MACROD2: variants seen among roughly 807,000 people sequenced by gnomAD.
MACROD2 encodes the protein mono-ADP ribosylhydrolase 2.
In MACROD2, 36 loss-of-function variants were observed where a neutral mutation model predicts 70.4. The observed-to-expected ratio is 0.51, with a 90% CI of 0.39 to 0.68. The LOEUF is 0.68. Among genes scored for constraint, MACROD2 ranks in the 30% least tolerant of loss-of-function variants. MACROD2 has a pLI of 0.00. For missense variants in MACROD2, 496 were observed against 538.4 expected (o/e 0.92, Z 0.78); for synonymous variants, 172 against 178.8 (o/e 0.96, Z 0.30).
chr20:15,377,732 A>G (rs1006878862), intron 6 of MACROD2, among the ~76,000 whole-genome samples: 1 of 152,242 alleles, frequency 6.6e-6, no homozygotes, highest in African/African-American at 2.4e-5. Context: ...TGATTCATAT[A>G]CATGGGAACG....
chr20:15,355,479 G>T (rs1382082510), intron 6 of MACROD2, among the ~76,000 whole-genome samples: 1 of 152,142 alleles, frequency 6.6e-6, no homozygotes, highest in Non-Finnish European at 1.5e-5. Context: ...GCACATCAAT[G>T]CATACACCAC....
chr20:15,076,215 C>T (rs11906507), intron 5 of MACROD2, among the ~76,000 whole-genome samples: 4,610 of 152,110 alleles, frequency 0.03, 260 homozygotes, highest in African/African-American at 0.11. Context: ...AATGTATTTA[C>T]AAATTTTGTT....
intron 3 of MACROD2, among the ~76,000 whole-genome samples, chr20:14,100,011 G>A (rs2054277131): frequency 6.6e-6 from 1 of 151,944 alleles, no homozygotes; most frequent in African/African-American, 2.4e-5. Flanking sequence ...ATAAGAAGAT[G>A]GGGTTGTTTT....
chr20:15,234,009 A>ATTTT (rs1342277075), intron 6 of MACROD2, among the ~76,000 whole-genome samples: 8 of 39,986 alleles, frequency 2.0e-4, no homozygotes, highest in Non-Finnish European at 2.8e-4. Context: ...ATATATATAT[A>ATTTT]TTCTTTTTTT....
At chr20:15,542,971 G>T (rs911830292) in intron 8 of MACROD2, among the ~76,000 whole-genome samples, 58 of 152,200 alleles carry the variant, frequency 3.8e-4, no homozygotes, top group African/African-American at 1.3e-3. Context: ...GGGAAATGAA[G>T]AGGTCCTTTA....
intron 3 of MACROD2, among the ~76,000 whole-genome samples, chr20:14,365,495 T>C (rs1350738434): frequency 2.6e-5 from 4 of 151,670 alleles, no homozygotes; most frequent in African/African-American, 9.7e-5. Flanking sequence ...TTATTGTATA[T>C]TTTTTACCCT....
intron 3 of MACROD2, among the ~76,000 whole-genome samples, chr20:14,155,694 G>GT (rs2055092791): frequency 6.6e-6 from 1 of 151,368 alleles, no homozygotes; most frequent in South Asian, 2.1e-4. Context: ...TGTTTTATTA[G>GT]TTTTTTTTCT....
intron 4 of MACROD2, among the ~76,000 whole-genome samples, 167 bp from the exon 5 acceptor site, chr20:14,684,676 A>T (rs1034500565): frequency 7.9e-6 from 1 of 126,306 alleles, no homozygotes; most frequent in Non-Finnish European, 1.7e-5. Context: ...CCGCCAACAC[A>T]CACACAAACA....
At chr20:14,009,884 T>C (rs1225142017) in intron 2 of MACROD2, among the ~76,000 whole-genome samples, 2 of 152,138 alleles carry the variant, frequency 1.3e-5, no homozygotes, top group African/African-American at 4.8e-5. Context: ...GAAAACCAAA[T>C]ACCACATGTT....
chr20:14,271,352 G>A (rs907242965), intron 3 of MACROD2, among the ~76,000 whole-genome samples: 12 of 152,184 alleles, frequency 7.9e-5, no homozygotes, highest in Non-Finnish European at 1.0e-4. Context: ...CTGCTGTTCT[G>A]CAGCCACCGC....
chr20:14,255,551 G>A (rs2082048352), intron 3 of MACROD2, among the ~76,000 whole-genome samples: 2 of 151,820 alleles, frequency 1.3e-5, no homozygotes, highest in African/African-American at 4.8e-5. Context: ...GGGGGCAGGG[G>A]GGAGGGATAG....
chr20:15,069,234 C>T (rs1411709248), intron 5 of MACROD2, among the ~76,000 whole-genome samples: 2 of 152,120 alleles, frequency 1.3e-5, no homozygotes, highest in Admixed American at 1.3e-4. Flanking sequence ...CTTCTGAAAA[C>T]CTATACATAG....
At chr20:14,822,481 T>C (rs2072857575) in intron 5 of MACROD2, among the ~76,000 whole-genome samples, 1 of 152,146 alleles carries the variant, frequency 6.6e-6, no homozygotes, top group Non-Finnish European at 1.5e-5. Context: ...CTTGCAATGC[T>C]ATCATGAGCT....
Position 15,850,679 on chromosome 20 carries a change from A to T in MACROD2, c.646-12066A>T, listed in dbSNP as rs539559323. ...CTCTGGGTGGCTTTGGCCATGTGAG[A>T]TTTACCCTCACAGCTGATGGCAGTC... is the stretch of plus-strand genomic sequence containing the variant. On this transcript the variant is annotated intron_variant, in intron 8 of 17. Transcript: ENST00000684519. Among the ~76,000 whole-genome samples, 55 of 152,194 alleles carry T rather than the reference A, an allele frequency of 3.6e-4. No homozygotes were observed. The South Asian group carries it at 5.6e-3, about 16-fold the overall frequency.
intron 6 of MACROD2, among the ~76,000 whole-genome samples, chr20:15,429,517 T>TA (rs1171757915): frequency 6.6e-6 from 1 of 152,022 alleles, no homozygotes; most frequent in Non-Finnish European, 1.5e-5. Context: ...CAAAATCACA[T>TA]AAATTTTGAC....
At chr20:14,429,720 A>G (rs893222667) in intron 3 of MACROD2, among the ~76,000 whole-genome samples, 1 of 152,154 alleles carries the variant, frequency 6.6e-6, no homozygotes, top group Non-Finnish European at 1.5e-5. Flanking sequence ...TTGCTTGGCT[A>G]TGCTGCAGTT....
chr20:15,674,561 C>T (rs1235830740), intron 8 of MACROD2, among the ~76,000 whole-genome samples: 1 of 152,074 alleles, frequency 6.6e-6, no homozygotes, highest in African/African-American at 2.4e-5. Flanking sequence ...CCCCATAACT[C>T]AAGGCATATT....
chr20:15,571,473 A>G (rs1568900382), intron 8 of MACROD2, among the ~76,000 whole-genome samples: 1 of 151,606 alleles, frequency 6.6e-6, no homozygotes, highest in Non-Finnish European at 1.5e-5. Flanking sequence ...ACACCCTACT[A>G]ATTGCATTAC....
At chr20:15,727,202 T>A (rs1269020818) in intron 8 of MACROD2, among the ~76,000 whole-genome samples, 1 of 152,090 alleles carries the variant, frequency 6.6e-6, no homozygotes, top group African/African-American at 2.4e-5. Flanking sequence ...GAATAAGGAG[T>A]CCTTTCCCCA....
Sources: gnomAD v4.1 joint callset for allele counts (sites outside exome capture counted in the v4.1 genomes callset) on GRCh38, gnomAD v4.1.1 for gene constraint, MANE v1.5 for transcripts, NCBI Gene and HGNC (gene_info 2026-07-23, HGNC 2026-07-21) for gene names.